SMCO4: variants seen among roughly 807,000 people sequenced by gnomAD.
SMCO4 encodes the protein single-pass membrane protein with coiled-coil domains 4.
Under a neutral mutation model 3.6 loss-of-function variants are expected in SMCO4, and 4 were observed. The ratio of observed to expected loss-of-function variants is 1.11; its 90% confidence interval spans 0.54 to 2.53. The LOEUF is 2.53. SMCO4 is among the 30% of genes most tolerant of loss of function. SMCO4 has a pLI of 0.02. For missense variants in SMCO4, 70 were observed against 80.8 expected, an observed-to-expected ratio of 0.87 and a Z score of 0.51; for synonymous variants, 36 against 35.3, an observed-to-expected ratio of 1.02 and a Z score of -0.07.
chr11:93,517,955 G>A (rs547501672), intron 1 of SMCO4, among the ~76,000 whole-genome samples: 40 of 152,338 alleles, frequency 2.6e-4, no homozygotes, highest in Non-Finnish European at 7.4e-5. Flanking sequence ...GAAATGAAAT[G>A]CATATAACAT....
upstream of SMCO4, chr11:93,543,610 A>C (rs1454265528): frequency 1.3e-5 from 2 of 152,224 alleles, no homozygotes; most frequent in African/African-American, 4.8e-5. Flanking sequence ...CTGCAGGCTC[A>C]GCGCGCTTCC....
At chr11:93,523,004 C>T (rs1461795157) in intron 1 of SMCO4, among the ~76,000 whole-genome samples, 1 of 152,116 alleles carries the variant, frequency 6.6e-6, no homozygotes, top group African/African-American at 2.4e-5. Flanking sequence ...AATTGGAAAC[C>T]CCAAAGATCA....
chr11:93,552,391 C>T, the SMCO4 span, among the ~76,000 whole-genome samples: 9 of 150,360 alleles, frequency 6.0e-5, no homozygotes, highest in East Asian at 3.9e-4. Context: ...CCACCCACCT[C>T]GGCCTCCCAA....
intron 2 of SMCO4, among the ~76,000 whole-genome samples, chr11:93,487,549 G>A (rs1197490513): frequency 1.3e-5 from 2 of 152,190 alleles, no homozygotes; most frequent in Non-Finnish European, 2.9e-5. Context: ...AGCAGTGGCA[G>A]CAGCACTGAC....
At chr11:93,491,218 C>A (rs1461413331) in intron 2 of SMCO4, among the ~76,000 whole-genome samples, 1 of 152,228 alleles carries the variant, frequency 6.6e-6, no homozygotes, top group Non-Finnish European at 1.5e-5. Flanking sequence ...CCTGAGAAAG[C>A]ATGCAAGCCA....
chr11:93,517,581 CCTT>C (rs1200090052), intron 1 of SMCO4, among the ~76,000 whole-genome samples: 1 of 152,158 alleles, frequency 6.6e-6, no homozygotes, highest in Non-Finnish European at 1.5e-5. Flanking sequence ...TTGCTTCTCT[CCTT>C]GAGTCCACTT....
At chr11:93,531,031 A>G (rs1270230124) in intron 1 of SMCO4, among the ~76,000 whole-genome samples, 4 of 152,220 alleles carry the variant, frequency 2.6e-5, no homozygotes, top group African/African-American at 7.2e-5. Context: ...TCATGTGTCA[A>G]CTTGACTGGG....
At chr11:93,532,265 T>C (rs1263084799) in intron 1 of SMCO4, among the ~76,000 whole-genome samples, 1 of 152,226 alleles carries the variant, frequency 6.6e-6, no homozygotes, top group African/African-American at 2.4e-5. Flanking sequence ...ATTTTAGATG[T>C]CAACTTGACT....
chr11:93,539,756 C>G (rs1047155232), intron 1 of SMCO4, among the ~76,000 whole-genome samples: 6 of 152,032 alleles, frequency 3.9e-5, no homozygotes, highest in African/African-American at 1.2e-4. Flanking sequence ...CAAAAGAGGG[C>G]CTTAAAGGAC....
intron 1 of SMCO4, among the ~76,000 whole-genome samples, chr11:93,540,124 T>C (rs932917456): frequency 4.6e-5 from 7 of 152,084 alleles, no homozygotes; most frequent in Non-Finnish European, 7.4e-5. Flanking sequence ...TGCTGGGGCT[T>C]AGGGTGGGAA....
intron 1 of SMCO4, among the ~76,000 whole-genome samples, chr11:93,534,230 ACACACACACACACACACACACACAC>A (rs1949192433): frequency 1.1e-4 from 1 of 9,496 alleles, no homozygotes; most frequent in Non-Finnish European, 2.3e-4. Context: ...ACACACACAC[ACACACACACACACACACACACACAC>A]ACACACAAAC....
At chr11:93,497,117 T>G (rs940970784) in intron 2 of SMCO4, among the ~76,000 whole-genome samples, 1 of 152,228 alleles carries the variant, frequency 6.6e-6, no homozygotes, top group Non-Finnish European at 1.5e-5. Flanking sequence ...TTTTTTATTA[T>G]GATGGTTCTA....
rs528574601 is a variant in SMCO4, at chr11:93,532,529, C to T, written c.-154+10747G>A. On this transcript the variant is annotated intron_variant, in intron 1 of 2. Transcript: ENST00000298966. ...GTTCTCCAGCCTGCAGACACCCTGT[C>T]ACAGGCCTTCTCAGCCTCCAAAGTC... Among the ~76,000 whole-genome samples the T allele has an allele frequency of 2.6e-5, 4 of 152,348 alleles. No homozygotes were observed. The South Asian group carries it at 8.3e-4, about 32-fold the overall frequency.
At chr11:93,480,110 T>C (rs774551747) in intron 2 of SMCO4, among the ~76,000 whole-genome samples, 1 of 152,244 alleles carries the variant, frequency 6.6e-6, no homozygotes, top group Non-Finnish European at 1.5e-5. Context: ...AAAAGTCGGC[T>C]TCTTAGCTTT....
the SMCO4 span, among the ~76,000 whole-genome samples, chr11:93,549,841 T>C: frequency 5.3e-5 from 8 of 152,174 alleles, no homozygotes; most frequent in East Asian, 1.9e-4. Flanking sequence ...CTTGAAGTCC[T>C]GTACATTTAT....
At chr11:93,552,653 G>A in the SMCO4 span, among the ~76,000 whole-genome samples, 4 of 151,096 alleles carry the variant, frequency 2.6e-5, no homozygotes, top group Admixed American at 2.6e-4. Flanking sequence ...TGTATTTTTA[G>A]TAGAGACAGG....
chr11:93,540,745 C>T (rs563446468), intron 1 of SMCO4, among the ~76,000 whole-genome samples: 2 of 152,038 alleles, frequency 1.3e-5, no homozygotes, highest in African/African-American at 2.4e-5. Context: ...CAAATGGTGA[C>T]GATTATGATT....
the SMCO4 span, among the ~76,000 whole-genome samples, chr11:93,552,836 A>AT: frequency 1.3e-3 from 194 of 149,924 alleles, no homozygotes; most frequent in East Asian, 2.2e-3. Context: ...CATCAATTTA[A>AT]TTTTTTTTTT....
At chr11:93,484,583 T>C (rs575687471) in intron 2 of SMCO4, among the ~76,000 whole-genome samples, 35 of 152,276 alleles carry the variant, frequency 2.3e-4, no homozygotes, top group Admixed American at 2.0e-4. Context: ...ATGCAGTGGA[T>C]GAACAGGCCA....
Sources: gnomAD v4.1 joint callset for allele counts (sites outside exome capture counted in the v4.1 genomes callset) on GRCh38, gnomAD v4.1.1 for gene constraint, MANE v1.5 for transcripts, NCBI Gene and HGNC (gene_info 2026-07-23, HGNC 2026-07-21) for gene names.